The following PHTF2 variants were observed in gnomAD, a reference collection of about 807,000 sequenced individuals.
The protein encoded by PHTF2 is putative homeodomain transcription factor 2.
A neutral mutation model predicts 101.2 loss-of-function variants in PHTF2; 60 were observed. The ratio of observed to expected loss-of-function variants is 0.59; its 90% confidence interval spans 0.48 to 0.73. The LOEUF (loss-of-function observed/expected upper bound fraction) is 0.73, where lower values mean the gene tolerates loss of function less well. PHTF2 is among the 30% of genes least tolerant of loss of function. The pLI, the probability that PHTF2 is intolerant of heterozygous loss-of-function variation, is 0.00. For missense variants in PHTF2, 747 were observed against 908.7 expected (o/e 0.82, Z 2.29); for synonymous variants, 311 against 307.3 (o/e 1.01, Z -0.13).
chr7:77,819,022 T>A (rs1223696263), intron 1 of PHTF2, among the ~76,000 whole-genome samples: 1 of 152,174 alleles, frequency 6.6e-6, no homozygotes, highest in Non-Finnish European at 1.5e-5. Flanking sequence ...TTGCCTTTTT[T>A]ATTTCATTTT....
chr7:77,905,375 G>A (rs987492897), intron 7 of PHTF2, among the ~76,000 whole-genome samples: 3 of 152,048 alleles, frequency 2.0e-5, no homozygotes, highest in South Asian at 4.2e-4. Context: ...ATAGGAGCAC[G>A]CCACCATGCC....
chr7:77,847,338 T>C (rs776841462), intron 2 of PHTF2, among the ~76,000 whole-genome samples: 1 of 152,218 alleles, frequency 6.6e-6, no homozygotes, highest in Non-Finnish European at 1.5e-5. Context: ...TTTTCTTGAA[T>C]GTAATTTTAA....
intron 2 of PHTF2, among the ~76,000 whole-genome samples, chr7:77,854,190 A>T (rs1187419061): frequency 6.6e-6 from 1 of 152,020 alleles, no homozygotes; most frequent in Non-Finnish European, 1.5e-5. Context: ...TAATGCTGTG[A>T]CTCTTGCAAA....
At chr7:77,834,038 A>G (rs1252547376) in intron 1 of PHTF2, among the ~76,000 whole-genome samples, 3 of 152,170 alleles carry the variant, frequency 2.0e-5, no homozygotes, top group Non-Finnish European at 4.4e-5. Context: ...ATCAAGCTTG[A>G]GGATTGCAAC....
chr7:77,809,679 T>TTTGCAACATTGACTGAAAATAC (rs1444653861), intron 1 of PHTF2, among the ~76,000 whole-genome samples: 2 of 152,228 alleles, frequency 1.3e-5, no homozygotes, highest in African/African-American at 4.8e-5. Context: ...TTGGAAAATA[T>TTTGCAACATTGACTGAAAATAC]TTGCAACATT....
intron 15 of PHTF2, among the ~76,000 whole-genome samples, chr7:77,942,297 T>C (rs1212762696): frequency 6.6e-6 from 1 of 152,212 alleles, no homozygotes; most frequent in African/African-American, 2.4e-5. Flanking sequence ...GATTATTAAC[T>C]TGATGTCTCA....
At chr7:77,820,626 C>T (rs537136602) in intron 1 of PHTF2, among the ~76,000 whole-genome samples, 11 of 152,278 alleles carry the variant, frequency 7.2e-5, no homozygotes, top group African/African-American at 2.4e-4. Context: ...GATCCTTCCT[C>T]CCCAGTCTCC....
chr7:77,871,263 A>T (rs909559551), intron 3 of PHTF2, among the ~76,000 whole-genome samples: 1 of 152,140 alleles, frequency 6.6e-6, no homozygotes, highest in South Asian at 2.1e-4. Flanking sequence ...AGACGCCTTA[A>T]TGGATCTTGT....
At chr7:77,927,015 C>T (rs1357657357) in intron 11 of PHTF2, among the ~76,000 whole-genome samples, 4 of 150,506 alleles carry the variant, frequency 2.7e-5, no homozygotes, top group Admixed American at 6.6e-5. Context: ...AAAATTAGCC[C>T]GGTGTGGTGG....
chr7:77,935,777 A>C (rs938376329), intron 12 of PHTF2, among the ~76,000 whole-genome samples: 2 of 152,140 alleles, frequency 1.3e-5, no homozygotes, highest in African/African-American at 4.8e-5. Context: ...CCAGACTGAG[A>C]GTTTAAAAAT....
At chr7:77,845,652 CGT>C (rs143066457) in intron 2 of PHTF2, among the ~76,000 whole-genome samples, 4 of 151,914 alleles carry the variant, frequency 2.6e-5, no homozygotes, top group South Asian at 2.1e-4. Context: ...GGCATGCACA[CGT>C]GTGTGTGTGT....
At chr7:77,882,301 T>C (rs182373400) in intron 3 of PHTF2, among the ~76,000 whole-genome samples, 43 of 152,184 alleles carry the variant, frequency 2.8e-4, no homozygotes, top group African/African-American at 1.0e-3. Flanking sequence ...ATTCTAGAAA[T>C]CTGTTTTCTT....
In PHTF2 at chr7:77,909,082, A is replaced by G. The variant is rs1037983464; in HGVS notation, c.611+124A>G. On this transcript the variant is annotated intron_variant, in intron 8 of 19. Transcript: ENST00000416283. ...TGTAAGGTTGCTGTTTCAAAAAAAC[A>G]CTGAGCTTCAGAATCAATTACCAGA... 1.1e-5 allele frequency: 6 copies of G among 547,532 alleles called. No homozygotes were observed. In the African/African-American group the frequency reaches 1.2e-4, roughly 11 times the overall value. 33.9% of individuals were successfully genotyped at this position (547,532 alleles called of 1,614,324 possible).
chr7:77,829,691 C>A (rs1349559025), intron 1 of PHTF2, among the ~76,000 whole-genome samples: 1 of 152,138 alleles, frequency 6.6e-6, no homozygotes, highest in Non-Finnish European at 1.5e-5. Flanking sequence ...CAACTTTGTT[C>A]CCAGTTTTCA....
chr7:77,804,272 C>T (rs1792795993), intron 1 of PHTF2, among the ~76,000 whole-genome samples: 1 of 152,104 alleles, frequency 6.6e-6, no homozygotes, highest in African/African-American at 2.4e-5. Context: ...AACCTATCTT[C>T]TTGTTCCTAA....
At chr7:77,927,331 C>T (rs951759228) in intron 11 of PHTF2, among the ~76,000 whole-genome samples, 2 of 151,926 alleles carry the variant, frequency 1.3e-5, no homozygotes, top group Admixed American at 1.3e-4. Flanking sequence ...CTTGGTGGCT[C>T]ACGCCTGTAA....
At chr7:77,930,107 C>G (rs1804429387) in intron 12 of PHTF2, among the ~76,000 whole-genome samples, 1 of 151,998 alleles carries the variant, frequency 6.6e-6, no homozygotes, top group Non-Finnish European at 1.5e-5. Context: ...GCGCCCGCCA[C>G]CACACCCGGC....
At chr7:77,852,929 C>T (rs13224786) in intron 2 of PHTF2, among the ~76,000 whole-genome samples, 1 of 152,130 alleles carries the variant, frequency 6.6e-6, no homozygotes, top group Non-Finnish European at 1.5e-5. Flanking sequence ...GTAAGGTTTC[C>T]ACTGAGAAGT....
At chr7:77,944,711 T>C (rs568654757) in intron 16 of PHTF2, among the ~76,000 whole-genome samples, 66 of 152,204 alleles carry the variant, frequency 4.3e-4, no homozygotes, top group Non-Finnish European at 6.2e-4. Context: ...TCTCCAGCTA[T>C]TTCAGTTTGA....
Sources: allele counts gnomAD v4.1 joint callset (sites outside exome capture counted in the v4.1 genomes callset), GRCh38; gene constraint gnomAD v4.1.1; transcripts MANE v1.5; gene names NCBI Gene and HGNC (gene_info 2026-07-23, HGNC 2026-07-21).